AGBL4: variants seen among roughly 807,000 people sequenced by gnomAD.
AGBL4 encodes the protein AGBL carboxypeptidase 4.
A neutral mutation model predicts 66.4 loss-of-function variants in AGBL4; 58 were observed. The observed-to-expected ratio is 0.87, with a 90% CI of 0.71 to 1.09. AGBL4 has a LOEUF of 1.09. AGBL4 is among the 50% of genes least tolerant of loss of function. AGBL4 has a pLI of 0.00. For synonymous variants in AGBL4, 234 were observed against 222.9 expected, an observed-to-expected ratio of 1.05 and a Z score of -0.44; for missense variants, 579 against 631.0, an observed-to-expected ratio of 0.92 and a Z score of 0.88.
At chr1:49,035,676 G>A (rs1281501747) in intron 5 of AGBL4, among the ~76,000 whole-genome samples, 1 of 152,064 alleles carries the variant, frequency 6.6e-6, no homozygotes, top group Non-Finnish European at 1.5e-5. Flanking sequence ...TTACTTTAGA[G>A]AGACAATTAA....
chr1:49,652,750 C>T (rs562864279), intron 3 of AGBL4, among the ~76,000 whole-genome samples: 109 of 152,290 alleles, frequency 7.2e-4, no homozygotes, highest in Middle Eastern at 6.8e-3. Context: ...CAGATCCACT[C>T]CTAACCAGGA....
chr1:49,849,502 C>CAT (rs1158014484), intron 2 of AGBL4, among the ~76,000 whole-genome samples: 1 of 145,486 alleles, frequency 6.9e-6, no homozygotes, highest in African/African-American at 2.7e-5. Context: ...CACACACACA[C>CAT]ACACACATAC....
intron 3 of AGBL4, among the ~76,000 whole-genome samples, chr1:49,632,681 G>C (rs1645593628): frequency 1.3e-5 from 2 of 152,162 alleles, no homozygotes; most frequent in African/African-American, 4.8e-5. Flanking sequence ...CACACAGGCT[G>C]TCTGGCTTCT....
In AGBL4 at chr1:48,843,064, T is replaced by C. The variant is rs200933210; in HGVS notation, c.634+24127A>G. ...TTGTTTAATGAGTGTATGTAGAATT[T>C]CGATTTTGCAAGGTGAAAAATTCTG... On this transcript the variant is annotated intron_variant, in intron 6 of 13. Transcript: ENST00000371839. Among the ~76,000 whole-genome samples the C allele has an allele frequency of 2.0e-4, 30 of 152,228 alleles. No individual in the cohort carries two copies. In the East Asian group the frequency reaches 5.6e-3, roughly 28 times the overall value.
chr1:49,511,128 T>G (rs533554438), intron 3 of AGBL4, among the ~76,000 whole-genome samples: 1 of 152,052 alleles, frequency 6.6e-6, no homozygotes, highest in Non-Finnish European at 1.5e-5. Context: ...GGACTATAAA[T>G]CATGCTGCTA....
At chr1:49,662,106 A>G (rs1184121119) in intron 3 of AGBL4, among the ~76,000 whole-genome samples, 1 of 151,472 alleles carries the variant, frequency 6.6e-6, no homozygotes, top group African/African-American at 2.4e-5. Flanking sequence ...AATCTATAAC[A>G]TGGGTGGAGG....
intron 2 of AGBL4, among the ~76,000 whole-genome samples, chr1:49,800,876 T>C (rs2147948071): frequency 7.4e-6 from 1 of 135,108 alleles, no homozygotes; most frequent in African/African-American, 2.8e-5. Flanking sequence ...TTTGGGTATA[T>C]ACCCAGTAAT....
chr1:49,365,933 G>A (rs1644233604), intron 3 of AGBL4, among the ~76,000 whole-genome samples: 1 of 152,040 alleles, frequency 6.6e-6, no homozygotes, highest in Non-Finnish European at 1.5e-5. Context: ...CTACAAGACT[G>A]TAAAAGAGCA....
At chr1:49,040,798 GA>G (rs1274864601) in intron 5 of AGBL4, among the ~76,000 whole-genome samples, 2 of 152,000 alleles carry the variant, frequency 1.3e-5, no homozygotes, top group African/African-American at 4.8e-5. Flanking sequence ...ATTAACAAGG[GA>G]ACTTTTTGAG....
chr1:49,278,305 T>G (rs1196107884), intron 3 of AGBL4, among the ~76,000 whole-genome samples: 6 of 152,222 alleles, frequency 3.9e-5, no homozygotes. Flanking sequence ...AAAACAGCCA[T>G]GCTTTCAATT....
At chr1:49,050,704 G>A (rs1343779512) in intron 4 of AGBL4, among the ~76,000 whole-genome samples, 2 of 152,038 alleles carry the variant, frequency 1.3e-5, no homozygotes, top group African/African-American at 4.8e-5. Flanking sequence ...AGAGAAGTGA[G>A]GCCTAGCTCA....
intron 4 of AGBL4, among the ~76,000 whole-genome samples, chr1:49,126,232 C>T (rs758341237): frequency 2.0e-5 from 3 of 152,102 alleles, no homozygotes; most frequent in Non-Finnish European, 4.4e-5. Context: ...ATCAGTTTAC[C>T]GTTCCAAGCA....
downstream of AGBL4, among the ~76,000 whole-genome samples, chr1:48,531,756 TTATG>T (rs56107028): frequency 0.87 from 130,981 of 150,608 alleles, 57,506 homozygotes; most frequent in Non-Finnish European, 0.94. Context: ...CTCCCTCTTA[TTATG>T]TATGTATGTA....
chr1:49,750,204 T>C (rs1027388064), intron 2 of AGBL4, among the ~76,000 whole-genome samples: 6 of 152,218 alleles, frequency 3.9e-5, no homozygotes, highest in African/African-American at 9.6e-5. Context: ...ACCTAGGTTT[T>C]CTTCTAGGCT....
chr1:48,864,785 A>T (rs547193010), intron 6 of AGBL4, among the ~76,000 whole-genome samples: 2 of 152,200 alleles, frequency 1.3e-5, no homozygotes, highest in African/African-American at 4.8e-5. Context: ...AGGGACAAAG[A>T]TGTATTAGGA....
At chr1:49,747,603 A>T (rs1651086506) in intron 2 of AGBL4, among the ~76,000 whole-genome samples, 2 of 152,110 alleles carry the variant, frequency 1.3e-5, no homozygotes, top group Admixed American at 1.3e-4. Context: ...CTCTAAACTA[A>T]TATTTGTCAA....
At chr1:48,764,952 A>G (rs1019900055) in intron 6 of AGBL4, among the ~76,000 whole-genome samples, 1 of 151,802 alleles carries the variant, frequency 6.6e-6, no homozygotes, top group Non-Finnish European at 1.5e-5. Flanking sequence ...GATGGGTGAC[A>G]CTCCCCATCT....
downstream of AGBL4, among the ~76,000 whole-genome samples, chr1:48,530,780 C>T (rs112675084): frequency 6.6e-6 from 1 of 152,180 alleles, no homozygotes; most frequent in Non-Finnish European, 1.5e-5. Context: ...GTCATGATCC[C>T]TCTCCTTCTC....
intron 3 of AGBL4, among the ~76,000 whole-genome samples, chr1:49,311,362 C>T (rs1644938227): frequency 6.6e-6 from 1 of 151,974 alleles, no homozygotes; most frequent in Non-Finnish European, 1.5e-5. Context: ...CAGAGATATG[C>T]AGGGACACTT....
Sources: gnomAD v4.1 joint callset for allele counts (sites outside exome capture counted in the v4.1 genomes callset) on GRCh38, gnomAD v4.1.1 for gene constraint, MANE v1.5 for transcripts, NCBI Gene and HGNC (gene_info 2026-07-23, HGNC 2026-07-21) for gene names.